Variants in ALS2CL observed in about 807,000 individuals in gnomAD.
ALS2CL encodes ALS2 C-terminal-like protein.
A neutral mutation model predicts 127.9 loss-of-function variants in ALS2CL; 112 were observed. That is an observed-to-expected ratio of 0.88 (90% CI 0.75 to 1.02). The LOEUF is 1.02. Among genes scored for constraint, ALS2CL ranks in the 50% least tolerant of loss-of-function variants. ALS2CL has a pLI of 0.00. For missense variants in ALS2CL, 1,174 were observed against 1,236.7 expected (o/e 0.95, Z 0.76); for synonymous variants, 519 against 527.6 (o/e 0.98, Z 0.22).
intron 24 of ALS2CL, 116 bp from the exon 25 acceptor site, chr3:46,671,700 C>T (rs548351260): frequency 1.3e-6 from 2 of 1,559,038 alleles, no homozygotes; most frequent in South Asian, 1.2e-5. Flanking sequence ...GGGTGTGGTC[C>T]TCACTCTACC....
rs1698299426 is a variant in ALS2CL at position 46,670,434 on chromosome 3, G to C, written c.*550C>G. The C allele has an allele frequency of 6.8e-6, 1 of 148,106 alleles. No homozygotes were observed. The allele number at this position is 148,106 out of a possible 1,614,324, so 9.2% of individuals were successfully genotyped here. A position where few individuals can be genotyped will look rare whatever the true frequency, so the allele number is the denominator to read the frequency against. ...GTTTACCCACCCCCCGCCCCAGCTT[G>C]CTCCAGTGCCGCCGTTTACGTCATG... On this transcript the variant is annotated 3_prime_UTR_variant, in exon 26 of 26. Transcript: ENST00000318962. This position sits in a 1 kb window ranked among gnomAD's most constrained non-coding sequence, Gnocchi z 5.5.
intron 17 of ALS2CL, 37 bp from the exon 18 acceptor site, chr3:46,676,775 G>A (rs775873003): frequency 7.9e-5 from 127 of 1,612,362 alleles, no homozygotes; most frequent in Non-Finnish European, 5.9e-5. Flanking sequence ...CCCACACCTC[G>A]GCCCAGCCCC....
At chr3:46,671,431 G>A (rs1698380450) in intron 25 of ALS2CL, 57 bp downstream of exon 25, 1 of 1,607,844 alleles carries the variant, frequency 6.2e-7, no homozygotes, top group Non-Finnish European at 8.5e-7. Context: ...GAAGGGAAAA[G>A]GGTCTGCCCC....
chr3:46,677,727 G>A (rs1301042713), intron 16 of ALS2CL, among the ~76,000 whole-genome samples: 1 of 152,204 alleles, frequency 6.6e-6, no homozygotes, highest in Non-Finnish European at 1.5e-5. Context: ...GACGCAACAA[G>A]AGCAACTGTT....
Position 46,676,231 on chromosome 3 carries a change from G to A in ALS2CL, c.2186+14C>T. The A allele has an allele frequency of 6.2e-7, 1 of 1,609,770 alleles. No individual in the cohort carries two copies. The highest frequency in any genetic ancestry group is 8.5e-7 in the Non-Finnish European group (1 of 1,178,002). On this transcript the variant is annotated intron_variant, in intron 19 of 25. Coordinates refer to ENST00000318962, the MANE Select transcript of ALS2CL (RefSeq NM_147129.5). ...TCACAGGGCAGTAGCTGTCCCGTTT[G>A]CCACCGAGCCCACCTGTAGGCAGCC...
chr3:46,687,756 T>C, intron 3 of ALS2CL, 72 bp from the exon 4 acceptor site: 1 of 1,476,204 alleles, frequency 6.8e-7, no homozygotes, highest in Non-Finnish European at 9.2e-7. Context: ...GTCCCTGGGA[T>C]CCCCAGATCC....
In ALS2CL at chr3:46,681,997, C is replaced by T. The variant is rs372696883; in HGVS notation, c.1175+32G>A. ...GGAAAGCACCCTTCAGCCCACTGCA[C>T]GCCTCCCAGCAGTAGCCCCAGCCAG... On this transcript the variant is annotated intron_variant, in intron 11 of 25. Transcript: ENST00000318962. This position sits in a 1 kb window ranked among gnomAD's most constrained non-coding sequence, Gnocchi z 4.9. 55 of 1,610,508 alleles carry T rather than the reference C, an allele frequency of 3.4e-5. No homozygotes were observed. The highest frequency in any genetic ancestry group is 4.0e-5 in the African/African-American group (3 of 74,848).
Position 46,681,482 on chromosome 3 carries a change from C to T in ALS2CL, c.1274+18G>A, listed in dbSNP as rs187994419. On this transcript the variant is annotated intron_variant, in intron 12 of 25. Coordinates refer to ENST00000318962, the MANE Select transcript of ALS2CL (RefSeq NM_147129.5). This position sits in a 1 kb window ranked among gnomAD's most constrained non-coding sequence, Gnocchi z 4.9. ...AGGATGGGCCCAGCCCATGAACCCC[C>T]CAGCCAGGGTCACTTACTCACAGAT... 3.7e-3 allele frequency: 6,010 copies of T among 1,614,080 alleles called. 17 individuals carry two copies. Among genetic ancestry groups the T allele is most frequent in the Non-Finnish European group, 4.5e-3 (5,272 of 1,179,936 alleles).
rs774752148 is a variant in ALS2CL at position 46,680,423 on chromosome 3, C to T, written c.1548+7G>A. 8 of 1,611,890 alleles carry T rather than the reference C, an allele frequency of 5.0e-6. No individual in the cohort carries two copies. The highest frequency in any genetic ancestry group is 5.9e-6 in the Non-Finnish European group (7 of 1,179,420). On this transcript the variant is annotated splice_region_variant and intron_variant, in intron 14 of 25. Transcript: ENST00000318962. ...GAGAGGGATAGCCCAGGATACACTC[C>T]ACTCACCACCGTCTTGTCCGCCTGG...
At chr3:46,680,356 C>T (rs974572501) in intron 14 of ALS2CL, 74 bp downstream of exon 14, 5 of 1,478,928 alleles carry the variant, frequency 3.4e-6, no homozygotes, top group Non-Finnish European at 4.6e-6. Flanking sequence ...CCTGAAAGGC[C>T]TCAGCTCAGC....
chr3:46,689,470 G>T lies in ALS2CL; in HGVS notation c.-25-5C>A, dbSNP rs755235995. ...AGGTGCCGGACTCAGGGCCTCCTAG[G>T]TAGGGCACAGGTTACAGCTAGATAG... On this transcript the variant is annotated splice_region_variant and splice_polypyrimidine_tract_variant and intron_variant, in intron 1 of 25. Coordinates refer to ENST00000318962, the MANE Select transcript of ALS2CL (RefSeq NM_147129.5). 6.4e-7 allele frequency: 1 copy of T among 1,563,136 alleles called. No homozygotes were observed.
intron 21 of ALS2CL, 66 bp from the exon 22 acceptor site, chr3:46,673,447 C>A: frequency 1.3e-6 from 2 of 1,489,780 alleles, no homozygotes; most frequent in Admixed American, 2.0e-5. Flanking sequence ...GGTCAGAGGG[C>A]AAATTCCCTA....
intron 19 of ALS2CL, 55 bp from the exon 20 acceptor site, chr3:46,675,741 T>C: frequency 6.2e-7 from 1 of 1,609,464 alleles, no homozygotes; most frequent in Non-Finnish European, 8.5e-7. Flanking sequence ...AGAACTGGAG[T>C]TCTACCACCA....
At position 46,683,748 on chromosome 3, in the gene ALS2CL, C is replaced by T. The variant is rs377254989; in HGVS notation, c.912+34G>A. 13 of 1,610,872 alleles carry T rather than the reference C, an allele frequency of 8.1e-6. No homozygotes were observed. The Admixed American group carries it at 1.2e-4, about 14-fold the overall frequency. On this transcript the variant is annotated intron_variant, in intron 9 of 25. Transcript: ENST00000318962. ...CCTCTTCCTACCCTGTCCTCTGACC[C>T]CGCTCCCGCAGTTCACAGCTCACCC...
At chr3:46,676,167 T>C in intron 19 of ALS2CL, 78 bp downstream of exon 19, 1 of 1,544,292 alleles carries the variant, frequency 6.5e-7, no homozygotes, top group Non-Finnish European at 8.7e-7. Flanking sequence ...TCCTCCCAAA[T>C]GCAAGGCAGA....
At chr3:46,676,480 C>A (rs1419351916) in intron 18 of ALS2CL, 78 bp from the exon 19 acceptor site, 2 of 1,589,600 alleles carry the variant, frequency 1.3e-6, no homozygotes, top group African/African-American at 1.3e-5. Flanking sequence ...AGCCTCCCAA[C>A]ACTTCTCCCA....
rs868566387 is a variant in ALS2CL, at chr3:46,680,862, G to C, written c.1437-321C>G. ...GTGGGGACTTCAGTGGTCCAGAAAG[G>C]CTGGAGGGGTGCCCAGGAGACGCAG... On this transcript the variant is annotated intron_variant, in intron 13 of 25. Transcript: ENST00000318962. 1.1e-5 allele frequency: 6 copies of C among 526,024 alleles called. No individual in the cohort carries two copies. The Admixed American group carries it at 1.3e-4, about 11-fold the overall frequency. 32.6% of individuals were successfully genotyped at this position (526,024 alleles called of 1,614,324 possible). A position where few individuals can be genotyped will look rare whatever the true frequency, so the allele number is the denominator to read the frequency against.
intron 22 of ALS2CL, among the ~76,000 whole-genome samples, chr3:46,672,481 G>A (rs570950182): frequency 3.3e-5 from 5 of 152,332 alleles, no homozygotes; most frequent in Admixed American, 1.3e-4. Context: ...ACTGGGTGCC[G>A]CCCAGTTCTG....
chr3:46,687,274 C>T, intron 4 of ALS2CL, 126 bp from the exon 5 acceptor site: 2 of 1,069,898 alleles, frequency 1.9e-6, no homozygotes, highest in Non-Finnish European at 2.6e-6. Flanking sequence ...AAACCTCTAC[C>T]CTATCAGATC....
Sources: gnomAD v4.1 joint callset for allele counts (sites outside exome capture counted in the v4.1 genomes callset) on GRCh38, gnomAD v4.1.1 for gene constraint, Gnocchi (gnomAD v3.1) non-coding constraint, MANE v1.5 for transcripts, NCBI Gene and HGNC (gene_info 2026-07-23, HGNC 2026-07-21) for gene names.